ATXN7L1: variants seen among roughly 807,000 people sequenced by gnomAD.
ATXN7L1 encodes the protein ataxin 7 like 1.
A neutral mutation model predicts 70.8 loss-of-function variants in ATXN7L1; 15 were observed. The observed-to-expected ratio is 0.21, with a 90% CI of 0.14 to 0.33. The LOEUF is 0.33. Ranked by LOEUF, ATXN7L1 falls within the 10% of genes least tolerant of loss-of-function variation. The pLI, the probability that ATXN7L1 is intolerant of heterozygous loss-of-function variation, is 1.00. For synonymous variants in ATXN7L1, 440 were observed against 445.1 expected, an observed-to-expected ratio of 0.99 and a Z score of 0.14; for missense variants, 975 against 1,097.1, an observed-to-expected ratio of 0.89 and a Z score of 1.57.
intron 7 of ATXN7L1, among the ~76,000 whole-genome samples, chr7:105,633,871 C>T (rs1796972262): frequency 1.3e-5 from 2 of 152,304 alleles, no homozygotes; most frequent in Admixed American, 1.3e-4. Flanking sequence ...TGTGCTCTAG[C>T]CCACAAAACT....
At chr7:105,830,872 C>T (rs975189836) in intron 2 of ATXN7L1, among the ~76,000 whole-genome samples, 1 of 152,232 alleles carries the variant, frequency 6.6e-6, no homozygotes, top group African/African-American at 2.4e-5. Context: ...GAGCAGTAAG[C>T]ATTTGAAAAG....
intron 4 of ATXN7L1, among the ~76,000 whole-genome samples, chr7:105,662,023 T>TTCC (rs1562967127): frequency 0.021 from 1,387 of 65,302 alleles, 11 homozygotes; most frequent in Admixed American, 0.036. Context: ...TCTTTCTTTC[T>TTCC]TTCTTTCCTT....
chr7:105,804,665 C>T (rs1045790042), intron 2 of ATXN7L1, among the ~76,000 whole-genome samples: 2 of 152,192 alleles, frequency 1.3e-5, no homozygotes, highest in African/African-American at 2.4e-5. Flanking sequence ...TCAATCACAG[C>T]AGCCGGCATT....
chr7:105,727,335 C>T (rs568006997), intron 3 of ATXN7L1, among the ~76,000 whole-genome samples: 52 of 152,198 alleles, frequency 3.4e-4, no homozygotes, highest in African/African-American at 1.1e-3. Context: ...TGGAGAAAAA[C>T]AGAGTTGCAG....
chr7:105,752,475 A>C (rs1799326689), intron 3 of ATXN7L1, among the ~76,000 whole-genome samples: 1 of 152,212 alleles, frequency 6.6e-6, no homozygotes, highest in Admixed American at 6.5e-5. Flanking sequence ...TAGGAAATGT[A>C]GTTCACCCTA....
At chr7:105,620,896 G>GAAAAAA in intron 8 of ATXN7L1, among the ~76,000 whole-genome samples, 1 of 144,844 alleles carries the variant, frequency 6.9e-6, no homozygotes, top group East Asian at 2.0e-4. Flanking sequence ...CTGTCTCAGA[G>GAAAAAA]AAAAAAAAAA....
intron 9 of ATXN7L1, 121 bp downstream of exon 9, chr7:105,620,079 C>T (rs1794706387): frequency 7.8e-7 from 1 of 1,279,634 alleles, no homozygotes; most frequent in East Asian, 2.6e-5. Flanking sequence ...AATCAAGCAT[C>T]CTGACTTCAG....
intron 2 of ATXN7L1, among the ~76,000 whole-genome samples, chr7:105,837,771 C>T (rs907971086): frequency 3.3e-5 from 5 of 152,160 alleles, no homozygotes; most frequent in African/African-American, 9.7e-5. Flanking sequence ...CCATGGAACA[C>T]GTCCCTGGCC....
chr7:105,753,787 T>C (rs1195699146), intron 3 of ATXN7L1, among the ~76,000 whole-genome samples: 1 of 152,236 alleles, frequency 6.6e-6, no homozygotes, highest in African/African-American at 2.4e-5. Flanking sequence ...GCAGTGCTGC[T>C]CTATGTTTAT....
At chr7:105,800,135 A>G (rs1338465347) in intron 2 of ATXN7L1, among the ~76,000 whole-genome samples, 1 of 152,186 alleles carries the variant, frequency 6.6e-6, no homozygotes, top group African/African-American at 2.4e-5. Flanking sequence ...ATGGAAAATA[A>G]GATCGATCAG....
intron 3 of ATXN7L1, among the ~76,000 whole-genome samples, chr7:105,743,429 T>C (rs577004): frequency 0.26 from 39,339 of 151,968 alleles, 5,299 homozygotes; most frequent in East Asian, 0.32. Context: ...TCACTGTCTC[T>C]GACAAGCAGC....
At chr7:105,724,874 T>C (rs1053009013) in intron 3 of ATXN7L1, among the ~76,000 whole-genome samples, 5 of 150,942 alleles carry the variant, frequency 3.3e-5, no homozygotes, top group Non-Finnish European at 7.4e-5. Context: ...TCGCCCAGGC[T>C]GGAGTGCAGT....
intron 3 of ATXN7L1, among the ~76,000 whole-genome samples, chr7:105,732,628 T>C (rs1260395222): frequency 2.0e-5 from 3 of 152,066 alleles, no homozygotes; most frequent in Admixed American, 2.0e-4. Flanking sequence ...GCATTGTAGG[T>C]CAATACCAAG....
chr7:105,685,605 C>T (rs1806090378), intron 3 of ATXN7L1, among the ~76,000 whole-genome samples: 1 of 152,176 alleles, frequency 6.6e-6, no homozygotes, highest in South Asian at 2.1e-4. Flanking sequence ...AGAGGGGCCC[C>T]TCAGCCTGTG....
chr7:105,647,940 C>G (rs1353747236), intron 4 of ATXN7L1, among the ~76,000 whole-genome samples: 1 of 152,216 alleles, frequency 6.6e-6, no homozygotes, highest in Non-Finnish European at 1.5e-5. Context: ...TCATACTCTA[C>G]TGTCAATGAT....
chr7:105,816,074 C>T (rs1158748869), intron 2 of ATXN7L1, among the ~76,000 whole-genome samples: 3 of 152,158 alleles, frequency 2.0e-5, no homozygotes, highest in Admixed American at 6.5e-5. Flanking sequence ...TTTTGCCTAC[C>T]TGTATAGCTG....
intron 3 of ATXN7L1, among the ~76,000 whole-genome samples, chr7:105,673,810 T>C (rs570748442): frequency 6.6e-6 from 1 of 152,310 alleles, no homozygotes; most frequent in South Asian, 2.1e-4. Context: ...ATAAGACTAT[T>C]AAGTGGAGGA....
intron 3 of ATXN7L1, among the ~76,000 whole-genome samples, chr7:105,727,775 T>TATACAC (rs1404244903): frequency 8.7e-6 from 1 of 115,460 alleles, no homozygotes; most frequent in Admixed American, 8.8e-5. Flanking sequence ...TATATATATA[T>TATACAC]ATACACACAC....
intron 4 of ATXN7L1, among the ~76,000 whole-genome samples, chr7:105,651,581 ACTC>A (rs1382557948): frequency 6.6e-6 from 1 of 151,894 alleles, no homozygotes; most frequent in Non-Finnish European, 1.5e-5. Context: ...AGAGTAGAGG[ACTC>A]CTTCTGGGTG....
Sources: gnomAD v4.1 joint callset for allele counts (sites outside exome capture counted in the v4.1 genomes callset) on GRCh38, gnomAD v4.1.1 for gene constraint, MANE v1.5 for transcripts, NCBI Gene and HGNC (gene_info 2026-07-23, HGNC 2026-07-21) for gene names.